The following ATP2C2 variants were observed in gnomAD, a reference collection of about 807,000 sequenced individuals.
The protein encoded by ATP2C2 is calcium-transporting ATPase type 2C member 2.
In ATP2C2, 171 loss-of-function variants were observed where a neutral mutation model predicts 110.8. That is an observed-to-expected ratio of 1.54 (90% confidence interval 1.36 to 1.75). ATP2C2 has a LOEUF of 1.75. Ranked by LOEUF, ATP2C2 falls within the 40% of genes most tolerant of loss-of-function variation. ATP2C2 has a pLI of 0.00. For synonymous variants in ATP2C2, 804 were observed against 508.4 expected (o/e 1.58, Z -7.82); for missense variants, 1,963 against 1,235.0 (o/e 1.59, Z -8.84).
rs983871836 is a variant in ATP2C2 at position 84,417,102 on chromosome 16, G to A, written c.624+1511G>A. On this transcript the variant is annotated intron_variant, in intron 7 of 26. Coordinates refer to ENST00000262429, the MANE Select transcript of ATP2C2 (RefSeq NM_014861.4). ...TCAAAGCCTTGTGAACCTTGAGCAA[G>A]TTAGTTAACCTCTCTGTGCCTCAGT... 3.3e-5 allele frequency among the ~76,000 whole-genome samples: 5 copies of A among 152,360 alleles called. No homozygotes were observed. The East Asian group carries it at 9.6e-4, about 29-fold the overall frequency.
At chr16:84,452,979 C>A (rs562418207) in intron 18 of ATP2C2, among the ~76,000 whole-genome samples, 159 bp from the exon 19 acceptor site, 1 of 152,196 alleles carries the variant, frequency 6.6e-6, no homozygotes, top group South Asian at 2.1e-4. Context: ...GTAAGTTAAT[C>A]CTGTGGATAG....
chr16:84,461,985 C>T lies in ATP2C2; in HGVS notation c.2581-3C>T. On this transcript the variant is annotated splice_polypyrimidine_tract_variant and splice_region_variant and intron_variant, in intron 25 of 26. Coordinates refer to ENST00000262429, the MANE Select transcript of ATP2C2 (RefSeq NM_014861.4). ...AATCCCCCGTGTGACCTTCTCCCTGCAGACCAAGCTGATATTTGAGATCGG... is the reference window on the plus strand; with the variant it reads ...AATCCCCCGTGTGACCTTCTCCCTGTAGACCAAGCTGATATTTGAGATCGG... The T allele has an allele frequency of 1.2e-6, 2 of 1,613,090 alleles. No individual in the cohort carries two copies. The highest frequency in any genetic ancestry group is 1.1e-5 in the South Asian group (1 of 91,016).
At chr16:84,449,893 C>A (rs1303215815) in intron 17 of ATP2C2, among the ~76,000 whole-genome samples, 1 of 152,246 alleles carries the variant, frequency 6.6e-6, no homozygotes, top group South Asian at 2.1e-4. Flanking sequence ...GCCTCTAAAT[C>A]TGCACCTGGC....
chr16:84,399,331 A>G (rs1378015205), intron 2 of ATP2C2, among the ~76,000 whole-genome samples: 1 of 152,232 alleles, frequency 6.6e-6, no homozygotes, highest in African/African-American at 2.4e-5. Context: ...AGGGGGAGGA[A>G]GTATTTCTTC....
intron 15 of ATP2C2, among the ~76,000 whole-genome samples, chr16:84,442,895 G>T (rs1226121087): frequency 1.3e-5 from 2 of 152,116 alleles, no homozygotes; most frequent in African/African-American, 2.4e-5. Context: ...ACAGACAGTG[G>T]AACGAGACTC....
At position 84,368,667 on chromosome 16, in the gene ATP2C2, G is replaced by C; in HGVS notation, c.52G>C (p.Gly18Arg). 1.3e-6 allele frequency: 2 copies of C among 1,565,436 alleles called. No homozygotes were observed. The highest frequency in any genetic ancestry group is 8.6e-7 in the Non-Finnish European group (1 of 1,157,242). ...EFLKKLGFSG[G>R]GRQYQALEKD... ...CCTGAAGAAACTCGGCTTCTCGGGC[G>C]GGGGCCGCCAGTACCAGGCGCTGGA... The change falls in exon 1 of 27, where the codon GGG becomes CGG. Residue 18 changes from glycine to arginine, a missense_variant. Gly to Arg is a moderately radical substitution (Grantham distance 125). Transcript: ENST00000262429.
intron 7 of ATP2C2, among the ~76,000 whole-genome samples, chr16:84,417,422 T>C (rs1037071632): frequency 1.3e-5 from 2 of 152,234 alleles, no homozygotes; most frequent in Admixed American, 6.5e-5. Flanking sequence ...AAACAAGCTA[T>C]GACCCATGCT....
intron 10 of ATP2C2, 107 bp downstream of exon 10, chr16:84,423,370 A>T: frequency 1.9e-6 from 2 of 1,059,208 alleles, no homozygotes; most frequent in Non-Finnish European, 1.4e-6. Flanking sequence ...CAGCTGCATA[A>T]GGCTTGGGGA....
Position 84,451,925 on chromosome 16 carries a change from G to A in ATP2C2, c.1665G>A (p.Leu555=), listed in dbSNP as rs750162743. ...TTACTCCCCCTCTCTCCTCAGTGCT[G>A]GCCCTGGCTTCTGGGCCCGAGCTGG... ...KRMGSLGLRV[L]ALASGPELGR... is the part of the protein sequence containing the mutation. The change falls in exon 18 of 27, where the codon CTG becomes CTA. Residue 555 remains leucine (L), a synonymous_variant. Transcript: ENST00000262429. 6.2e-7 allele frequency: 1 copy of A among 1,613,852 alleles called. No individual in the cohort carries two copies. Among genetic ancestry groups the A allele is most frequent in the Non-Finnish European group, 8.5e-7 (1 of 1,179,960 alleles).
intron 18 of ATP2C2, among the ~76,000 whole-genome samples, chr16:84,452,817 T>C (rs922236037): frequency 1.3e-5 from 2 of 152,022 alleles, no homozygotes; most frequent in African/African-American, 4.8e-5. Context: ...TACTATTATA[T>C]GGGTGGTCTC....
At chr16:84,438,215 G>A (rs1023428241) in intron 11 of ATP2C2, among the ~76,000 whole-genome samples, 5 of 152,208 alleles carry the variant, frequency 3.3e-5, no homozygotes, top group African/African-American at 1.2e-4. Flanking sequence ...AAGCAGAGAG[G>A]ATGATAAAGT....
chr16:84,440,225 T>C (rs1597839764), intron 13 of ATP2C2, among the ~76,000 whole-genome samples: 1 of 152,354 alleles, frequency 6.6e-6, no homozygotes, highest in African/African-American at 2.4e-5. Context: ...CTCTAACTTC[T>C]GGGCTCAAGG....
intron 7 of ATP2C2, among the ~76,000 whole-genome samples, chr16:84,418,926 G>T (rs1487730184): frequency 1.3e-5 from 2 of 151,976 alleles, no homozygotes; most frequent in Non-Finnish European, 2.9e-5. Context: ...GTGCTAACAG[G>T]GTCCAGGCGC....
rs563606495 is a variant in ATP2C2 at position 84,428,495 on chromosome 16, C to T, written c.986+2694C>T. Among the ~76,000 whole-genome samples, 96 of 152,246 alleles carry T rather than the reference C, an allele frequency of 6.3e-4. No individual in the cohort carries two copies. The South Asian group carries it at 6.8e-3, about 11-fold the overall frequency. ...GTGTCTGGCTTTGGATACTTTGTCA[C>T]TCAGTGTATTTAACAAACAAAATCT... is the stretch of plus-strand genomic sequence containing the variant. On this transcript the variant is annotated intron_variant, in intron 11 of 26. Coordinates refer to ENST00000262429, the MANE Select transcript of ATP2C2 (RefSeq NM_014861.4).
chr16:84,395,347 C>A (rs1597753950), intron 1 of ATP2C2, among the ~76,000 whole-genome samples: 1 of 152,048 alleles, frequency 6.6e-6, no homozygotes, highest in East Asian at 1.9e-4. Flanking sequence ...CTAGCTCATT[C>A]CCCAGGGACA....
intron 1 of ATP2C2, among the ~76,000 whole-genome samples, chr16:84,370,585 C>A (rs1288913492): frequency 6.6e-6 from 1 of 152,030 alleles, no homozygotes; most frequent in African/African-American, 2.4e-5. Flanking sequence ...CTGTCATACT[C>A]ATGTCCTCTC....
chr16:84,438,880 A>C (rs761734944), intron 11 of ATP2C2, among the ~76,000 whole-genome samples: 1 of 152,208 alleles, frequency 6.6e-6, no homozygotes, highest in African/African-American at 2.4e-5. Context: ...TGTCAATGCA[A>C]AATACTTTTA....
intron 11 of ATP2C2, among the ~76,000 whole-genome samples, chr16:84,428,134 T>A (rs1907953547): frequency 6.6e-6 from 1 of 152,208 alleles, no homozygotes; most frequent in African/African-American, 2.4e-5. Flanking sequence ...TCCCAGTGTG[T>A]GCTGGGACAC....
intron 10 of ATP2C2, among the ~76,000 whole-genome samples, chr16:84,423,945 T>C (rs1487560293): frequency 6.6e-6 from 1 of 152,222 alleles, no homozygotes; most frequent in Non-Finnish European, 1.5e-5. Flanking sequence ...ATCCCCATAG[T>C]GCTGCCCCAG....
Sources: allele counts gnomAD v4.1 joint callset (sites outside exome capture counted in the v4.1 genomes callset), GRCh38; gene constraint gnomAD v4.1.1; transcripts MANE v1.5; gene names NCBI Gene and HGNC (gene_info 2026-07-23, HGNC 2026-07-21).